The following PPP2R2B variants were observed in gnomAD, a reference collection of about 807,000 sequenced individuals.
The protein encoded by PPP2R2B is protein phosphatase 2 regulatory subunit Bbeta.
A neutral mutation model predicts 46.0 loss-of-function variants in PPP2R2B; 5 were observed. The ratio of observed to expected loss-of-function variants is 0.11; its 90% CI spans 0.06 to 0.23. The LOEUF is 0.23. Among genes scored for constraint, PPP2R2B ranks in the 10% least tolerant of loss-of-function variants. The pLI, the probability that PPP2R2B is intolerant of heterozygous loss-of-function variation, is 1.00. For synonymous variants in PPP2R2B, 215 were observed against 206.7 expected (o/e 1.04, Z -0.34); for missense variants, 367 against 575.0 (o/e 0.64, Z 3.70).
At chr5:147,016,369 C>A (rs1755006460) in intron 1 of PPP2R2B, among the ~76,000 whole-genome samples, 2 of 151,002 alleles carry the variant, frequency 1.3e-5, no homozygotes, top group African/African-American at 4.8e-5. Flanking sequence ...TTGGGGGGGA[C>A]AATCATCTTC....
chr5:146,980,217 A>G (rs954719468), intron 1 of PPP2R2B, among the ~76,000 whole-genome samples: 1 of 152,164 alleles, frequency 6.6e-6, no homozygotes, highest in Non-Finnish European at 1.5e-5. Flanking sequence ...TTCAGAGTAG[A>G]CTTTCCACAT....
intron 3 of PPP2R2B, among the ~76,000 whole-genome samples, chr5:146,699,293 C>T (rs1330920946): frequency 6.6e-6 from 1 of 152,104 alleles, no homozygotes; most frequent in Admixed American, 6.5e-5. Flanking sequence ...GAATTCACTC[C>T]TGGAGCTCAC....
intron 1 of PPP2R2B, among the ~76,000 whole-genome samples, chr5:146,993,040 T>C (rs959078611): frequency 2.0e-5 from 3 of 151,900 alleles, no homozygotes; most frequent in Non-Finnish European, 4.4e-5. Flanking sequence ...CCTCCCAGGT[T>C]CAAGTGATTC....
intron 1 of PPP2R2B, among the ~76,000 whole-genome samples, chr5:146,992,537 G>C (rs1315927765): frequency 6.6e-6 from 1 of 152,106 alleles, no homozygotes; most frequent in African/African-American, 2.4e-5. Flanking sequence ...GGGTGGTAGC[G>C]ACAGTTCTGA....
At chr5:146,659,147 T>G (rs1459994919) in intron 5 of PPP2R2B, among the ~76,000 whole-genome samples, 2 of 152,220 alleles carry the variant, frequency 1.3e-5, no homozygotes, top group Non-Finnish European at 2.9e-5. Flanking sequence ...TGTTCACATA[T>G]TCTTTTAGTG....
chr5:146,852,917 G>T (rs754646796), intron 2 of PPP2R2B, among the ~76,000 whole-genome samples: 2 of 152,100 alleles, frequency 1.3e-5, no homozygotes, highest in Non-Finnish European at 2.9e-5. Flanking sequence ...TTTTAAAAGT[G>T]CAATTAGAGC....
At chr5:146,880,967 G>A (rs190671532), upstream of PPP2R2B, among the ~76,000 whole-genome samples, 35 of 152,056 alleles carry the variant, frequency 2.3e-4, no homozygotes, top group Non-Finnish European at 2.4e-4. Context: ...AAAACCAAGG[G>A]GAAAAAAGCT....
At chr5:146,976,585 GT>G (rs1209287727) in intron 1 of PPP2R2B, among the ~76,000 whole-genome samples, 1 of 152,020 alleles carries the variant, frequency 6.6e-6, no homozygotes, top group Non-Finnish European at 1.5e-5. Context: ...GAAAAAGAAG[GT>G]TTCTTTCTAT....
intron 2 of PPP2R2B, among the ~76,000 whole-genome samples, chr5:146,815,744 A>C (rs1236157318): frequency 6.6e-6 from 1 of 152,228 alleles, no homozygotes; most frequent in East Asian, 1.9e-4. Flanking sequence ...ACACTTTAGG[A>C]ATCTGAATAG....
intron 1 of PPP2R2B, among the ~76,000 whole-genome samples, chr5:147,000,486 T>C (rs1754120098): frequency 6.6e-6 from 1 of 152,128 alleles, no homozygotes; most frequent in Non-Finnish European, 1.5e-5. Context: ...TAAGCCTCTC[T>C]GGGCCTTTGT....
chr5:146,816,751 T>C (rs1398451738), intron 2 of PPP2R2B, among the ~76,000 whole-genome samples: 2 of 152,204 alleles, frequency 1.3e-5, no homozygotes, highest in African/African-American at 4.8e-5. Flanking sequence ...GAAGAGTCTT[T>C]TGTCAGTTTT....
chr5:146,855,885 A>G (rs577439587), intron 2 of PPP2R2B, among the ~76,000 whole-genome samples: 1 of 152,310 alleles, frequency 6.6e-6, no homozygotes, highest in Non-Finnish European at 1.5e-5. Context: ...ATCCAAATCA[A>G]GTGTAACTAC....
intron 2 of PPP2R2B, among the ~76,000 whole-genome samples, chr5:146,747,184 C>A (rs1461473944): frequency 6.6e-6 from 1 of 152,166 alleles, no homozygotes; most frequent in African/African-American, 2.4e-5. Flanking sequence ...TCATCCTCTG[C>A]TATCGCTGAG....
At chr5:146,993,384 A>T (rs1046439938) in intron 1 of PPP2R2B, among the ~76,000 whole-genome samples, 3 of 151,572 alleles carry the variant, frequency 2.0e-5, no homozygotes, top group African/African-American at 7.3e-5. Context: ...CTGGGACTAC[A>T]GGCTGCTCTA....
chr5:146,684,706 T>C (rs1778381806), intron 5 of PPP2R2B, among the ~76,000 whole-genome samples: 2 of 152,326 alleles, frequency 1.3e-5, no homozygotes, highest in Non-Finnish European at 2.9e-5. Flanking sequence ...CCTTTGTGCT[T>C]CTTCTGAACT....
At chr5:147,046,367 A>G (rs931208400) in intron 1 of PPP2R2B, among the ~76,000 whole-genome samples, 5 of 152,062 alleles carry the variant, frequency 3.3e-5, no homozygotes, top group Admixed American at 1.3e-4. Flanking sequence ...TTTTTCTACT[A>G]ACTGTGCTTT....
intron 2 of PPP2R2B, among the ~76,000 whole-genome samples, chr5:146,760,781 A>G (rs900397953): frequency 3.0e-4 from 46 of 152,128 alleles, no homozygotes; most frequent in Non-Finnish European, 1.0e-4. Context: ...GCATAGTTGA[A>G]AAATTGCTGT....
chr5:146,598,220 C>G (rs898177579), intron 8 of PPP2R2B, among the ~76,000 whole-genome samples: 1 of 152,208 alleles, frequency 6.6e-6, no homozygotes, highest in East Asian at 1.9e-4. Flanking sequence ...TTACTAAATC[C>G]AAGTTCGTAG....
At chr5:146,695,486 T>C (rs1779126497) in intron 4 of PPP2R2B, among the ~76,000 whole-genome samples, 1 of 152,220 alleles carries the variant, frequency 6.6e-6, no homozygotes, top group Admixed American at 6.5e-5. Context: ...TTTGAAAATA[T>C]ATTCTAGCAG....
Sources: allele counts gnomAD v4.1 joint callset (sites outside exome capture counted in the v4.1 genomes callset), GRCh38; gene constraint gnomAD v4.1.1; transcripts MANE v1.5; gene names NCBI Gene and HGNC (gene_info 2026-07-23, HGNC 2026-07-21).